The following PSEN1 variants were observed in gnomAD, a reference collection of about 807,000 sequenced individuals.
The protein encoded by PSEN1 is presenilin 1.
A neutral mutation model predicts 53.5 loss-of-function variants in PSEN1; 15 were observed. The observed-to-expected ratio is 0.28, with a 90% CI of 0.19 to 0.43. The LOEUF (loss-of-function observed/expected upper bound fraction) is 0.43, where lower values mean the gene tolerates loss of function less well. Among genes scored for constraint, PSEN1 ranks in the 20% least tolerant of loss-of-function variants. The pLI is 1.00. For synonymous variants in PSEN1, 208 were observed against 209.8 expected (o/e 0.99, Z 0.08); for missense variants, 387 against 571.2 (o/e 0.68, Z 3.29).
At chr14:73,168,810 T>C (rs1001481919) in intron 3 of PSEN1, 3 of 152,394 alleles carry the variant, frequency 2.0e-5, no homozygotes, top group Admixed American at 2.0e-4. Flanking sequence ...GACCCTCCAC[T>C]GAGCTGGCTG....
intron 3 of PSEN1, 111 bp downstream of exon 3, chr14:73,148,217 A>G: frequency 2.4e-6 from 2 of 833,688 alleles, no homozygotes; most frequent in Non-Finnish European, 4.0e-6. Flanking sequence ...ACTTTACCAC[A>G]TTTATAATAT....
intron 5 of PSEN1, among the ~76,000 whole-genome samples, chr14:73,178,452 T>A (rs1898110565): frequency 6.6e-6 from 1 of 152,016 alleles, no homozygotes; most frequent in Non-Finnish European, 1.5e-5. Flanking sequence ...CCTCCCAAAG[T>A]GCTGGGATTA....
chr14:73,209,516 A>G (rs1899594494), intron 9 of PSEN1, among the ~76,000 whole-genome samples: 1 of 152,208 alleles, frequency 6.6e-6, no homozygotes, highest in Non-Finnish European at 1.5e-5. Context: ...ATGTTGACTG[A>G]GCACCTGACT....
intron 5 of PSEN1, among the ~76,000 whole-genome samples, chr14:73,175,316 TG>T: frequency 6.7e-6 from 1 of 150,354 alleles, no homozygotes; most frequent in Admixed American, 6.6e-5. Context: ...TAGTAGAGAC[TG>T]GGTTTTACCG....
chr14:73,216,533 G>T (rs1281093947), intron 10 of PSEN1, among the ~76,000 whole-genome samples: 1 of 152,076 alleles, frequency 6.6e-6, no homozygotes. Context: ...GGCCAAGGTG[G>T]GTGGATCATG....
chr14:73,192,931 C>G (rs1304147081), intron 7 of PSEN1, 67 bp downstream of exon 7: 7 of 1,218,448 alleles, frequency 5.7e-6, no homozygotes, highest in African/African-American at 3.0e-5. Context: ...CTTTCCTCAT[C>G]TCTTTATCTT....
chr14:73,179,889 G>A (rs987812541), intron 5 of PSEN1, among the ~76,000 whole-genome samples: 4 of 152,222 alleles, frequency 2.6e-5, no homozygotes, highest in African/African-American at 9.6e-5. Flanking sequence ...TATTCAGTGG[G>A]ATAGAGAGAG....
chr14:73,213,325 A>T (rs1014128665), intron 10 of PSEN1, among the ~76,000 whole-genome samples: 1 of 152,134 alleles, frequency 6.6e-6, no homozygotes, highest in Admixed American at 6.5e-5. Flanking sequence ...CAGCAGCATA[A>T]TTCTTTCATG....
At chr14:73,183,153 T>C (rs1898276322) in intron 5 of PSEN1, among the ~76,000 whole-genome samples, 1 of 152,192 alleles carries the variant, frequency 6.6e-6, no homozygotes, top group Non-Finnish European at 1.5e-5. Flanking sequence ...AGTCTCGCTC[T>C]GTTGCTCAGG....
intron 3 of PSEN1, among the ~76,000 whole-genome samples, chr14:73,153,401 T>C (rs1056820183): frequency 2.6e-5 from 4 of 152,220 alleles, no homozygotes; most frequent in African/African-American, 9.6e-5. Flanking sequence ...TTATGTCAAC[T>C]GTTTGTGGAA....
chr14:73,191,592 G>C (rs1225228452), intron 6 of PSEN1, among the ~76,000 whole-genome samples: 18 of 151,774 alleles, frequency 1.2e-4, no homozygotes, highest in Non-Finnish European at 2.4e-4. Flanking sequence ...GTGTTGCCCA[G>C]GCTGGAGTGC....
At chr14:73,168,108 C>T (rs1897772910) in intron 3 of PSEN1, 1 of 152,208 alleles carries the variant, frequency 6.6e-6, no homozygotes, top group African/African-American at 2.4e-5. Context: ...ATAATCCCAG[C>T]ACTTTGGGAG....
At chr14:73,139,886 C>T (rs911703223) in intron 1 of PSEN1, among the ~76,000 whole-genome samples, 6 of 152,192 alleles carry the variant, frequency 3.9e-5, no homozygotes, top group African/African-American at 1.4e-4. Flanking sequence ...TGGCTTTTCA[C>T]AACGCCTTGT....
chr14:73,214,241 A>G (rs1899818085), intron 10 of PSEN1, among the ~76,000 whole-genome samples: 1 of 152,066 alleles, frequency 6.6e-6, no homozygotes, highest in Admixed American at 6.6e-5. Context: ...CTAAAAGACC[A>G]ACTATTGCTG....
At chr14:73,189,691 CA>C (rs1898645342) in intron 6 of PSEN1, 1 of 154,908 alleles carries the variant, frequency 6.5e-6, no homozygotes, top group Admixed American at 6.5e-5. Context: ...GGATAAGTCC[CA>C]TTTATGATAG....
intron 5 of PSEN1, among the ~76,000 whole-genome samples, chr14:73,176,687 A>C (rs1715111351): frequency 1.3e-5 from 2 of 152,256 alleles, no homozygotes; most frequent in African/African-American, 4.8e-5. Context: ...TGACATGTAC[A>C]GGACAGTATA....
intron 5 of PSEN1, among the ~76,000 whole-genome samples, chr14:73,182,172 G>A (rs1056387336): frequency 6.6e-6 from 1 of 152,174 alleles, no homozygotes; most frequent in African/African-American, 2.4e-5. Context: ...ACAAGCATAT[G>A]TTACTTTTGA....
At chr14:73,211,738 T>G (rs1262334619) in intron 9 of PSEN1, 31 bp from the exon 10 acceptor site, 1 of 1,612,632 alleles carries the variant, frequency 6.2e-7, no homozygotes, top group East Asian at 2.2e-5. Context: ...TTTCTAAATA[T>G]TAGAGCTGTA....
chr14:73,213,495 AT>A (rs1899785778), intron 10 of PSEN1, among the ~76,000 whole-genome samples: 1 of 152,186 alleles, frequency 6.6e-6, no homozygotes, highest in Non-Finnish European at 1.5e-5. Flanking sequence ...ATGCAAAGTA[AT>A]AACGGACGTG....
Sources: allele counts gnomAD v4.1 joint callset (sites outside exome capture counted in the v4.1 genomes callset), GRCh38; gene constraint gnomAD v4.1.1; transcripts MANE v1.5; gene names NCBI Gene and HGNC (gene_info 2026-07-23, HGNC 2026-07-21).